RUNDC3B: variants seen among roughly 807,000 people sequenced by gnomAD.
RUNDC3B encodes the protein RUN domain containing 3B, also known as RUN domain-containing protein 3B.
In RUNDC3B, 33 loss-of-function variants were observed where a neutral mutation model predicts 58.4. The ratio of observed to expected loss-of-function variants is 0.56; its 90% confidence interval spans 0.43 to 0.75. RUNDC3B has a LOEUF of 0.75. RUNDC3B is among the 30% of genes least tolerant of loss of function. RUNDC3B has a pLI of 0.00. For missense variants in RUNDC3B, 501 were observed against 535.7 expected (o/e 0.94, Z 0.64); for synonymous variants, 193 against 195.2 (o/e 0.99, Z 0.10).
chr7:87,739,649 T>G (rs1832195723), intron 4 of RUNDC3B, 142 bp from the exon 5 acceptor site: 1 of 406,240 alleles, frequency 2.5e-6, no homozygotes, highest in Non-Finnish European at 4.4e-6. Flanking sequence ...AAAACTTCAG[T>G]GATGGAAATA....
chr7:87,679,187 G>A (rs1406337698), intron 2 of RUNDC3B, among the ~76,000 whole-genome samples: 2 of 146,780 alleles, frequency 1.4e-5, no homozygotes, highest in Non-Finnish European at 3.0e-5. Context: ...CCTCCTCCTG[G>A]GTTCACACCA....
intron 4 of RUNDC3B, among the ~76,000 whole-genome samples, chr7:87,733,135 C>G (rs960566152): frequency 6.6e-6 from 1 of 152,134 alleles, no homozygotes; most frequent in Non-Finnish European, 1.5e-5. Context: ...GACAGGCGCC[C>G]CCCCATGCGT....
intron 9 of RUNDC3B, among the ~76,000 whole-genome samples, chr7:87,815,271 T>G (rs1344839132): frequency 2.0e-5 from 3 of 152,114 alleles, no homozygotes; most frequent in African/African-American, 7.2e-5. Flanking sequence ...CTATAAAAAT[T>G]ATTGTAAAAT....
chr7:87,683,842 T>TA (rs1489503411), intron 2 of RUNDC3B, among the ~76,000 whole-genome samples: 1 of 152,060 alleles, frequency 6.6e-6, no homozygotes, highest in African/African-American at 2.4e-5. Context: ...CTTCAACGTG[T>TA]AAAAAATACA....
chr7:87,787,495 A>G (rs1186131285), intron 8 of RUNDC3B, among the ~76,000 whole-genome samples: 1 of 152,076 alleles, frequency 6.6e-6, no homozygotes, highest in Non-Finnish European at 1.5e-5. Context: ...TTTCTTGATG[A>G]TTAGATGTAT....
In RUNDC3B at chr7:87,812,780, G is replaced by A. The variant is rs184863039; in HGVS notation, c.1104-3361G>A. On this transcript the variant is annotated intron_variant, in intron 9 of 10. Coordinates refer to ENST00000394654, the MANE Select transcript of RUNDC3B (RefSeq NM_001134405.2). ...CTGAGAAAGTAATAGCTGTTAATTG[G>A]ATTAATGTATCTGCTGAGTTACTTG... 1.2e-3 allele frequency among the ~76,000 whole-genome samples: 180 copies of A among 152,268 alleles called. 1 individual carries two copies. The highest frequency in any genetic ancestry group is 6.5e-3 in the Admixed American group (100 of 15,302).
At chr7:87,641,962 T>G (rs748010414) in intron 1 of RUNDC3B, among the ~76,000 whole-genome samples, 21 of 152,050 alleles carry the variant, frequency 1.4e-4, no homozygotes, top group Non-Finnish European at 2.8e-4. Flanking sequence ...AATTTAAAAT[T>G]TTCATAAATC....
In RUNDC3B at chr7:87,639,927, G is replaced by A. The variant is rs28746501; in HGVS notation, c.123-10895G>A. 7.9e-3 allele frequency among the ~76,000 whole-genome samples: 1,203 copies of A among 151,494 alleles called. 10 individuals are homozygous for A. The highest frequency in any genetic ancestry group is 0.013 in the Non-Finnish European group (903 of 67,808). ...ATTTATAGCTATCTTACTGTTCATT[G>A]TATGTTTGCTTTTTTCTCTTTTCTT... On this transcript the variant is annotated intron_variant, in intron 1 of 10. Coordinates refer to ENST00000394654, the MANE Select transcript of RUNDC3B (RefSeq NM_001134405.2).
chr7:87,743,462 A>G (rs1832463406), intron 6 of RUNDC3B, among the ~76,000 whole-genome samples: 1 of 152,186 alleles, frequency 6.6e-6, no homozygotes, highest in Non-Finnish European at 1.5e-5. Context: ...TGTTTGCTGC[A>G]TCCACACCAA....
At chr7:87,648,754 A>C (rs28381761) in intron 1 of RUNDC3B, among the ~76,000 whole-genome samples, 1 of 152,174 alleles carries the variant, frequency 6.6e-6, no homozygotes, top group Non-Finnish European at 1.5e-5. Context: ...ACAAAAATTT[A>C]TAAAGGTCAC....
intron 2 of RUNDC3B, among the ~76,000 whole-genome samples, chr7:87,693,469 A>G (rs1001609179): frequency 2.2e-4 from 34 of 152,324 alleles, no homozygotes; most frequent in African/African-American, 7.9e-4. Context: ...TTAAACTTGG[A>G]AATTTTCTGA....
At chr7:87,661,038 C>A (rs988881086) in intron 2 of RUNDC3B, among the ~76,000 whole-genome samples, 1 of 151,704 alleles carries the variant, frequency 6.6e-6, no homozygotes, top group Non-Finnish European at 1.5e-5. Flanking sequence ...TATCTTTTTT[C>A]AAATGTTATT....
At chr7:87,647,937 C>A (rs1446745459) in intron 1 of RUNDC3B, among the ~76,000 whole-genome samples, 1 of 152,038 alleles carries the variant, frequency 6.6e-6, no homozygotes, top group Non-Finnish European at 1.5e-5. Flanking sequence ...GTAATCCCAA[C>A]ACTTTGGGAG....
intron 4 of RUNDC3B, among the ~76,000 whole-genome samples, chr7:87,732,001 GT>G (rs1490113936): frequency 6.6e-6 from 1 of 152,098 alleles, no homozygotes; most frequent in Non-Finnish European, 1.5e-5. Flanking sequence ...ATTTTGAAGG[GT>G]ATGTTATGTC....
At chr7:87,634,494 T>G (rs78723829) in intron 1 of RUNDC3B, among the ~76,000 whole-genome samples, 162 of 73,118 alleles carry the variant, frequency 2.2e-3, no homozygotes, top group East Asian at 3.8e-3. Context: ...TGGTGGGGGG[T>G]GGGGGGGGGG....
chr7:87,719,757 A>G (rs1291024172), intron 4 of RUNDC3B, among the ~76,000 whole-genome samples: 6 of 151,816 alleles, frequency 4.0e-5, no homozygotes, highest in Admixed American at 1.3e-4. Flanking sequence ...TCTGGGATCA[A>G]TCAATCAATC....
At chr7:87,778,086 G>A in intron 8 of RUNDC3B, 131 bp downstream of exon 8, 1 of 718,008 alleles carries the variant, frequency 1.4e-6, no homozygotes, top group South Asian at 2.1e-5. Context: ...ACACTTTTTT[G>A]AAAGTTTACT....
At chr7:87,679,097 T>A (rs1267320519) in intron 2 of RUNDC3B, among the ~76,000 whole-genome samples, 1 of 140,626 alleles carries the variant, frequency 7.1e-6, no homozygotes, top group African/African-American at 2.7e-5. Flanking sequence ...CTTTTTTTTT[T>A]TTTTTTTTTT....
At chr7:87,800,936 A>G (rs570515776) in intron 8 of RUNDC3B, among the ~76,000 whole-genome samples, 1 of 152,272 alleles carries the variant, frequency 6.6e-6, no homozygotes, top group African/African-American at 2.4e-5. Context: ...GTACCCAGCC[A>G]AAATTCATTT....
Sources: allele counts gnomAD v4.1 joint callset (sites outside exome capture counted in the v4.1 genomes callset), GRCh38; gene constraint gnomAD v4.1.1; transcripts MANE v1.5; gene names NCBI Gene and HGNC (gene_info 2026-07-23, HGNC 2026-07-21).